Variants in SCHIP1 observed in about 807,000 individuals in gnomAD.
The protein encoded by SCHIP1 is schwannomin interacting protein 1.
In SCHIP1, 8 loss-of-function variants were observed where a neutral mutation model predicts 29.7. The observed-to-expected ratio is 0.27, with a 90% CI of 0.16 to 0.49. The LOEUF (loss-of-function observed/expected upper bound fraction) is 0.49. SCHIP1 is among the 20% of genes least tolerant of loss of function. The pLI is 0.99. For synonymous variants in SCHIP1, 76 were observed against 94.9 expected, an observed-to-expected ratio of 0.80 and a Z score of 1.16; for missense variants, 193 against 294.6, an observed-to-expected ratio of 0.66 and a Z score of 2.52.
the SCHIP1 span, among the ~76,000 whole-genome samples, chr3:159,339,272 AC>A: frequency 6.8e-6 from 1 of 147,678 alleles, no homozygotes; most frequent in East Asian, 2.0e-4. Flanking sequence ...AAAAAAAAAA[AC>A]CTTGGTGTTC....
chr3:159,354,462 G>A, the SCHIP1 span, among the ~76,000 whole-genome samples: 24 of 152,236 alleles, frequency 1.6e-4, no homozygotes, highest in Middle Eastern at 3.4e-3. Flanking sequence ...TTAGAAAAAT[G>A]TGTCTGAAGT....
chr3:159,782,400 A>T, the SCHIP1 span, among the ~76,000 whole-genome samples: 2 of 152,236 alleles, frequency 1.3e-5, no homozygotes, highest in African/African-American at 4.8e-5. Context: ...TCATTACACA[A>T]TAACACAATA....
the SCHIP1 span, among the ~76,000 whole-genome samples, chr3:159,618,398 G>A: frequency 8.5e-5 from 13 of 152,262 alleles, no homozygotes; most frequent in Non-Finnish European, 1.8e-4. Context: ...CATGAACAAC[G>A]ATGAACACAG....
At chr3:159,806,353 A>G in the SCHIP1 span, among the ~76,000 whole-genome samples, 376 of 152,326 alleles carry the variant, frequency 2.5e-3, no homozygotes, top group Non-Finnish European at 4.2e-3. Flanking sequence ...TTTGGTCTGT[A>G]TGTGGCAGGT....
At chr3:159,593,161 G>A in the SCHIP1 span, among the ~76,000 whole-genome samples, 3 of 152,106 alleles carry the variant, frequency 2.0e-5, no homozygotes, top group Admixed American at 6.6e-5. Flanking sequence ...AGAGATCCTG[G>A]CACTTAGTAA....
At position 159,892,514 on chromosome 3, in the gene SCHIP1, G is replaced by A; in HGVS notation, c.683+324G>A. 7.6e-6 allele frequency: 4 copies of A among 526,470 alleles called. No homozygotes were observed. In the South Asian group the frequency reaches 8.4e-5, roughly 11 times the overall value. The allele number at this position is 526,470 out of a possible 1,614,324, so 32.6% of individuals were successfully genotyped here. ...CCCTGGGAAGCTGGGCATAAGCCAT[G>A]TCATGCTGGCATGTTTCCAGCACAA... On this transcript the variant is annotated intron_variant, in intron 6 of 6. Coordinates refer to ENST00000445224, the Ensembl canonical transcript of SCHIP1.
the SCHIP1 span, among the ~76,000 whole-genome samples, chr3:159,769,608 G>T: frequency 3.4e-3 from 513 of 152,140 alleles, 1 homozygote; most frequent in African/African-American, 0.012. Context: ...AAATTAGCCG[G>T]GCATGGTGGC....
chr3:159,274,316 A>G, the SCHIP1 span: 1 of 982,598 alleles, frequency 1.0e-6, no homozygotes, highest in Non-Finnish European at 1.2e-6. Context: ...AATTTAGATT[A>G]TACTTTCAGT....
At chr3:159,818,839 C>T in the SCHIP1 span, among the ~76,000 whole-genome samples, 1 of 152,120 alleles carries the variant, frequency 6.6e-6, no homozygotes, top group South Asian at 2.1e-4. Context: ...ATTATATATT[C>T]CAAGTTCTTA....
At chr3:159,860,364 A>G (rs1018678442) in intron 1 of SCHIP1, among the ~76,000 whole-genome samples, 1 of 152,040 alleles carries the variant, frequency 6.6e-6, no homozygotes, top group African/African-American at 2.4e-5. Flanking sequence ...ACCTTTTGCA[A>G]CTCCTGGAGC....
At chr3:159,742,046 A>G in the SCHIP1 span, among the ~76,000 whole-genome samples, 9 of 152,136 alleles carry the variant, frequency 5.9e-5, no homozygotes, top group Non-Finnish European at 1.2e-4. Context: ...CTTGGCCAAC[A>G]TGGTGAAACC....
chr3:159,611,066 G>A, the SCHIP1 span, among the ~76,000 whole-genome samples: 1 of 152,120 alleles, frequency 6.6e-6, no homozygotes, highest in East Asian at 1.9e-4. Flanking sequence ...ATAGGTTCAA[G>A]CAGTTAGGCG....
chr3:159,807,499 G>A, the SCHIP1 span, among the ~76,000 whole-genome samples: 1,678 of 152,192 alleles, frequency 0.011, 34 homozygotes, highest in African/African-American at 0.038. Flanking sequence ...AAAACTTTGG[G>A]TACAAAAATA....
At chr3:159,582,631 T>C in the SCHIP1 span, among the ~76,000 whole-genome samples, 8 of 152,270 alleles carry the variant, frequency 5.3e-5, no homozygotes, top group Admixed American at 4.6e-4. Context: ...CTTAATAGAC[T>C]GCAGTATAAA....
chr3:159,767,477 G>A, the SCHIP1 span, among the ~76,000 whole-genome samples: 1 of 152,158 alleles, frequency 6.6e-6, no homozygotes, highest in East Asian at 1.9e-4. Flanking sequence ...AAGAACAAAG[G>A]AGCCGTGTGG....
At chr3:159,571,007 G>A in the SCHIP1 span, among the ~76,000 whole-genome samples, 2 of 152,192 alleles carry the variant, frequency 1.3e-5, no homozygotes, top group Non-Finnish European at 2.9e-5. Flanking sequence ...CTGAGACTTT[G>A]CTGAAGTTGT....
At chr3:159,273,879 A>C in the SCHIP1 span, 2 of 1,613,450 alleles carry the variant, frequency 1.2e-6, no homozygotes, top group Non-Finnish European at 1.7e-6. Flanking sequence ...AAGCACTCTG[A>C]CAGTGTAAGT....
the SCHIP1 span, among the ~76,000 whole-genome samples, chr3:159,592,107 T>C: frequency 2.6e-5 from 4 of 152,074 alleles, no homozygotes; most frequent in African/African-American, 9.7e-5. Flanking sequence ...CAAACACAAG[T>C]TGAAGTACTC....
At chr3:159,377,801 T>C in the SCHIP1 span, among the ~76,000 whole-genome samples, 1 of 152,216 alleles carries the variant, frequency 6.6e-6, no homozygotes. Context: ...TTTACTGATT[T>C]AGAATTTATA....
Sources: allele counts gnomAD v4.1 joint callset (sites outside exome capture counted in the v4.1 genomes callset), GRCh38; gene constraint gnomAD v4.1.1; transcripts MANE v1.5; gene names NCBI Gene and HGNC (gene_info 2026-07-23, HGNC 2026-07-21).